Variants in WWOX observed in about 807,000 individuals in gnomAD.
WWOX encodes the protein WW domain-containing oxidoreductase.
Under a neutral mutation model 46.2 loss-of-function variants are expected in WWOX, and 69 were observed. That is an observed-to-expected ratio of 1.49 (90% CI 1.23 to 1.82). The LOEUF (loss-of-function observed/expected upper bound fraction) is 1.82, where lower values mean the gene tolerates loss of function less well. WWOX is among the 40% of genes most tolerant of loss of function. The pLI is 0.00. For synonymous variants in WWOX, 359 were observed against 202.6 expected (o/e 1.77, Z -6.56); for missense variants, 919 against 542.6 (o/e 1.69, Z -6.89).
intron 7 of WWOX, 135 bp from the exon 8 acceptor site, chr16:78,432,353 G>C: frequency 8.3e-7 from 1 of 1,201,262 alleles, no homozygotes; most frequent in South Asian, 1.3e-5. Flanking sequence ...TGATCCACTC[G>C]TCTAAGACTC....
chr16:78,484,700 T>C (rs969416588), intron 8 of WWOX, among the ~76,000 whole-genome samples: 2 of 152,094 alleles, frequency 1.3e-5, no homozygotes, highest in Non-Finnish European at 2.9e-5. Flanking sequence ...AATTTTACTT[T>C]TCCTAGATAA....
chr16:79,052,072 G>A (rs2048178314), intron 8 of WWOX, among the ~76,000 whole-genome samples: 1 of 150,224 alleles, frequency 6.7e-6, no homozygotes, highest in African/African-American at 2.5e-5. Flanking sequence ...AAGTTTTAGG[G>A]TACATGTGCA....
chr16:79,044,768 C>T (rs1597319543), intron 8 of WWOX, among the ~76,000 whole-genome samples: 2 of 152,158 alleles, frequency 1.3e-5, no homozygotes, highest in Admixed American at 1.3e-4. Flanking sequence ...GAAAAGAAGG[C>T]AGTGTCAGAG....
At chr16:78,922,615 G>A (rs1449990634) in intron 8 of WWOX, among the ~76,000 whole-genome samples, 1 of 152,144 alleles carries the variant, frequency 6.6e-6, no homozygotes, top group Non-Finnish European at 1.5e-5. Flanking sequence ...CTGACCTTAG[G>A]TGATCCCCTC....
intron 8 of WWOX, among the ~76,000 whole-genome samples, chr16:79,014,850 C>G (rs1409322906): frequency 5.3e-5 from 8 of 152,144 alleles, no homozygotes; most frequent in Non-Finnish European, 2.9e-5. Flanking sequence ...TTATCTGATT[C>G]TCTTTTACAA....
At chr16:78,510,544 A>C (rs1175271510) in intron 8 of WWOX, among the ~76,000 whole-genome samples, 1 of 152,152 alleles carries the variant, frequency 6.6e-6, no homozygotes, top group African/African-American at 2.4e-5. Context: ...GAAAAGTATC[A>C]AGCAATACTT....
intron 8 of WWOX, among the ~76,000 whole-genome samples, chr16:79,060,541 T>C (rs2048340151): frequency 6.6e-6 from 1 of 152,254 alleles, no homozygotes; most frequent in African/African-American, 2.4e-5. Flanking sequence ...TGACTGGTGA[T>C]GAATAGCAAG....
chr16:78,568,725 T>C (rs912448056), intron 8 of WWOX, among the ~76,000 whole-genome samples: 7 of 152,274 alleles, frequency 4.6e-5, no homozygotes, highest in African/African-American at 1.7e-4. Flanking sequence ...TCTACCTGCC[T>C]CGGCCTCCCA....
chr16:78,122,572 A>G (rs1222715903), intron 4 of WWOX, among the ~76,000 whole-genome samples: 1 of 152,156 alleles, frequency 6.6e-6, no homozygotes, highest in Non-Finnish European at 1.5e-5. Flanking sequence ...TGGCACAATA[A>G]AAATTGTAAT....
intron 8 of WWOX, among the ~76,000 whole-genome samples, chr16:78,986,092 T>C (rs1392627406): frequency 6.6e-6 from 1 of 152,212 alleles, no homozygotes; most frequent in Non-Finnish European, 1.5e-5. Flanking sequence ...AATGTCAAGA[T>C]GAACCGGGGC....
chr16:78,596,764 G>C (rs1415652837), intron 8 of WWOX, among the ~76,000 whole-genome samples: 1 of 152,044 alleles, frequency 6.6e-6, no homozygotes, highest in Non-Finnish European at 1.5e-5. Flanking sequence ...TGCATGGTGA[G>C]TACACAGCCA....
chr16:78,968,431 G>A (rs891094427), intron 8 of WWOX, among the ~76,000 whole-genome samples: 2 of 152,202 alleles, frequency 1.3e-5, no homozygotes, highest in Non-Finnish European at 1.5e-5. Context: ...TAGCCAAACT[G>A]TTCCCTAGGG....
At position 78,341,111 on chromosome 16, in the gene WWOX, C is replaced by G. The variant is rs2081005168; in HGVS notation, c.517-45749C>G. Among the ~76,000 whole-genome samples the G allele has an allele frequency of 3.9e-5, 4 of 102,162 alleles. 1 individual carries two copies. Among genetic ancestry groups the G allele is most frequent in the African/African-American group, 1.5e-4 (4 of 26,682 alleles). The allele number at this position is 102,162 out of a possible 152,430, so 67.0% of individuals were successfully genotyped here. On this transcript the variant is annotated intron_variant, in intron 5 of 8. Coordinates refer to ENST00000566780, the MANE Select transcript of WWOX (RefSeq NM_016373.4). ...AGCTGTCCCCATGGCTAGCTTAAGA[C>G]TCAGCTCTCTTAAGTCACTTCCTAG... is the stretch of plus-strand genomic sequence containing the variant.
chr16:78,725,983 CT>C (rs2048821960), intron 8 of WWOX, among the ~76,000 whole-genome samples: 2 of 148,738 alleles, frequency 1.3e-5, no homozygotes, highest in African/African-American at 5.0e-5. Flanking sequence ...CCTCCTTCTC[CT>C]TCTCCTCCTT....
chr16:78,881,024 G>A (rs376794818), intron 8 of WWOX, among the ~76,000 whole-genome samples: 1 of 123,612 alleles, frequency 8.1e-6, no homozygotes, highest in South Asian at 2.5e-4. Flanking sequence ...ACAAAGTCTC[G>A]CCCTGTTGCC....
At chr16:78,526,739 G>A (rs2043479118) in intron 8 of WWOX, among the ~76,000 whole-genome samples, 2 of 152,138 alleles carry the variant, frequency 1.3e-5, no homozygotes, top group African/African-American at 4.8e-5. Context: ...CCATGCCCAG[G>A]CCCCTACTAG....
chr16:78,964,028 C>A (rs146904946), intron 8 of WWOX, among the ~76,000 whole-genome samples: 383 of 152,326 alleles, frequency 2.5e-3, no homozygotes, highest in African/African-American at 9.0e-3. Flanking sequence ...TCTGAGACCT[C>A]CCCAGCCATG....
chr16:78,359,180 T>C (rs1248113579), intron 5 of WWOX, among the ~76,000 whole-genome samples: 2 of 152,204 alleles, frequency 1.3e-5, no homozygotes, highest in African/African-American at 2.4e-5. Flanking sequence ...GTATTTGTCA[T>C]TTTATAGTGA....
At chr16:79,065,560 C>A (rs1010275193) in intron 8 of WWOX, among the ~76,000 whole-genome samples, 40 of 152,114 alleles carry the variant, frequency 2.6e-4, no homozygotes, top group Non-Finnish European at 2.6e-4. Context: ...TCCAAAAAAA[C>A]CAGTCTTAGG....
Sources: allele counts gnomAD v4.1 joint callset (sites outside exome capture counted in the v4.1 genomes callset), GRCh38; gene constraint gnomAD v4.1.1; transcripts MANE v1.5; gene names NCBI Gene and HGNC (gene_info 2026-07-23, HGNC 2026-07-21).